The following FRMPD4 variants were observed in gnomAD, a reference collection of about 807,000 sequenced individuals.
FRMPD4 encodes the protein FERM and PDZ domain containing 4.
Under a neutral mutation model 94.1 loss-of-function variants are expected in FRMPD4, and 22 were observed. That is an observed-to-expected ratio of 0.23 (90% CI 0.17 to 0.33). The LOEUF is 0.33. FRMPD4 is among the 10% of genes least tolerant of loss of function. The probability of loss-of-function intolerance (pLI) is 1.00; values close to 1 mark genes in which losing one functional copy is unlikely to be tolerated. For synonymous variants in FRMPD4, 631 were observed against 548.6 expected (o/e 1.15, Z -2.10); for missense variants, 1,111 against 1,339.9 (o/e 0.83, Z 2.67).
chrX:12,529,573 G>A (rs1345797919), intron 2 of FRMPD4, among the ~76,000 whole-genome samples: 1 of 112,018 alleles, frequency 8.9e-6, no homozygotes. Flanking sequence ...CAACATGTTA[G>A]TCACTGAGGT....
chrX:12,298,475 C>G (rs1021240384), intron 1 of FRMPD4, among the ~76,000 whole-genome samples: 4 of 112,230 alleles, frequency 3.6e-5, no homozygotes, highest in African/African-American at 1.3e-4. Context: ...GTTCTAATAA[C>G]TATGTTGGGA....
chrX:12,452,349 A>ACTT (rs1442423211), intron 1 of FRMPD4, among the ~76,000 whole-genome samples: 258 of 112,313 alleles, frequency 2.3e-3, no homozygotes, highest in Middle Eastern at 0.018. Flanking sequence ...TCATGGAATA[A>ACTT]CTTTTGTTTA....
chrX:12,583,587 G>A (rs1208009564), intron 2 of FRMPD4: 8 of 629,237 alleles, frequency 1.3e-5, no homozygotes, highest in African/African-American at 2.2e-5. Context: ...CGCACCAGCT[G>A]AGCCTCAGTG....
chrX:12,291,246 A>G (rs1430702246), intron 1 of FRMPD4, among the ~76,000 whole-genome samples: 2 of 112,190 alleles, frequency 1.8e-5, no homozygotes, highest in Non-Finnish European at 3.8e-5. Context: ...TGTCAGTACC[A>G]CTTGTACTAC....
intron 3 of FRMPD4, among the ~76,000 whole-genome samples, chrX:11,957,031 A>G (rs1015283518): frequency 3.6e-5 from 4 of 112,288 alleles, no homozygotes; most frequent in African/African-American, 9.7e-5. Context: ...TCTCCCTTAC[A>G]GGAAAGCTGT....
intron 3 of FRMPD4, chrX:12,054,808 G>A (rs1003108311): frequency 8.9e-6 from 1 of 112,012 alleles, no homozygotes; most frequent in Non-Finnish European, 1.9e-5. Flanking sequence ...AAAATAAAAT[G>A]TTTAAAAAAA....
chrX:12,145,980 C>G (rs919538066), intron 1 of FRMPD4, among the ~76,000 whole-genome samples: 2 of 111,843 alleles, frequency 1.8e-5, no homozygotes, highest in South Asian at 3.8e-4. Flanking sequence ...CCTCCCTGTC[C>G]CCTCCGTCTA....
Position 12,718,630 on chromosome X carries a change from T to C in FRMPD4, c.3804T>C (p.Leu1268=). The change falls in exon 16 of 17, where the codon CTT becomes CTC. Residue 1268 remains leucine, a synonymous_variant. Coordinates refer to ENST00000675598, the MANE Select transcript of FRMPD4 (RefSeq NM_001368397.1). The part of the protein sequence containing the change: ...YIPSEERAPG[L]PNHGATFKEL... ...CTTCAGAGGAGAGAGCCCCTGGGCTTCCCAACCACGGAGCCACCTTTAAGG... is the reference window on the plus strand; with the variant it reads ...CTTCAGAGGAGAGAGCCCCTGGGCTCCCCAACCACGGAGCCACCTTTAAGG... The C allele has an allele frequency of 8.3e-7, 1 of 1,210,273 alleles. No homozygotes were observed. The highest frequency in any genetic ancestry group is 1.1e-6 in the Non-Finnish European group (1 of 894,314).
chrX:12,049,837 G>A (rs2054807263), intron 3 of FRMPD4, among the ~76,000 whole-genome samples: 1 of 110,686 alleles, frequency 9.0e-6, no homozygotes, highest in Non-Finnish European at 1.9e-5. Flanking sequence ...CGTAGGCTTA[G>A]GCTAATGTGT....
At chrX:12,330,642 A>G (rs1050230698) in intron 1 of FRMPD4, among the ~76,000 whole-genome samples, 2 of 111,568 alleles carry the variant, frequency 1.8e-5, no homozygotes, top group Non-Finnish European at 3.8e-5. Context: ...GGACTGCTAG[A>G]GACCTTAGGC....
intron 3 of FRMPD4, among the ~76,000 whole-genome samples, chrX:12,048,076 A>T (rs1181126923): frequency 1.8e-5 from 2 of 112,408 alleles, no homozygotes; most frequent in Non-Finnish European, 3.8e-5. Flanking sequence ...AAATCTCCAA[A>T]CTTCTTTTCA....
intron 3 of FRMPD4, among the ~76,000 whole-genome samples, chrX:12,020,225 C>T (rs758533513): frequency 2.7e-5 from 3 of 112,154 alleles, no homozygotes; most frequent in East Asian, 5.6e-4. Flanking sequence ...TTGTATCCCC[C>T]ATAACCTTCA....
chrX:12,653,632 A>G (rs1180253737), intron 4 of FRMPD4, among the ~76,000 whole-genome samples: 1 of 110,846 alleles, frequency 9.0e-6, no homozygotes, highest in African/African-American at 3.3e-5. Flanking sequence ...TCAATCTGCA[A>G]CCTTAGAGAC....
intron 1 of FRMPD4, chrX:12,396,217 G>A (rs1390462176): frequency 1.8e-5 from 2 of 111,782 alleles, no homozygotes; most frequent in Admixed American, 1.9e-4. Context: ...AAACGTGAGA[G>A]ATTTGACTGA....
chrX:12,596,725 G>A (rs1052408859), intron 2 of FRMPD4, among the ~76,000 whole-genome samples: 1 of 110,887 alleles, frequency 9.0e-6, no homozygotes, highest in African/African-American at 3.3e-5. Flanking sequence ...CAGAAGTCAG[G>A]GTTGAGAATA....
chrX:12,013,731 C>A (rs1342450260), intron 3 of FRMPD4, among the ~76,000 whole-genome samples: 1 of 113,274 alleles, frequency 8.8e-6, no homozygotes. Flanking sequence ...CTTCCTTTAT[C>A]ATTTGACCCA....
At position 11,827,062 on chromosome X, in the gene FRMPD4, T is replaced by TTA. The variant is rs796566750; in HGVS notation, c.-161+4370_-161+4371dup. ...TTTTTGTGTTTTATTTAGATGGAAA[T>TTA]TATATATATATATATATATATATAA... On this transcript the variant is annotated intron_variant, in intron 1 of 18. Coordinates refer to the FRMPD4 transcript ENST00000640291. Among the ~76,000 whole-genome samples, 493 of 80,553 alleles carry TTA rather than the reference T, an allele frequency of 6.1e-3. 1 individual carries two copies. Among genetic ancestry groups the TTA allele is most frequent in the African/African-American group, 0.012 (263 of 21,477 alleles). The allele number at this position is 80,553 out of a possible 115,157, so 70.0% of individuals were successfully genotyped here.
At chrX:12,656,543 G>A (rs1298744696) in intron 4 of FRMPD4, among the ~76,000 whole-genome samples, 3 of 111,972 alleles carry the variant, frequency 2.7e-5, no homozygotes, top group African/African-American at 6.5e-5. Flanking sequence ...AATGATCTAC[G>A]ACTACACATC....
At chrX:12,440,705 G>T (rs182436463) in intron 1 of FRMPD4, among the ~76,000 whole-genome samples, 92 of 110,862 alleles carry the variant, frequency 8.3e-4, no homozygotes, top group Non-Finnish European at 1.1e-3. Context: ...GACTTGGGAG[G>T]GGGGGGAGCA....
Sources: allele counts gnomAD v4.1 joint callset (sites outside exome capture counted in the v4.1 genomes callset), GRCh38; gene constraint gnomAD v4.1.1; transcripts MANE v1.5; gene names NCBI Gene and HGNC (gene_info 2026-07-23, HGNC 2026-07-21).